The following RNF168 variants were observed in gnomAD, a reference collection of about 807,000 sequenced individuals.
The protein encoded by RNF168 is E3 ubiquitin-protein ligase RNF168.
A neutral mutation model predicts 34.9 loss-of-function variants in RNF168; 34 were observed. The ratio of observed to expected loss-of-function variants is 0.97; its 90% CI spans 0.74 to 1.30. The LOEUF is 1.30. Among genes scored for constraint, RNF168 ranks in the 50% most tolerant of loss-of-function variants. The pLI is 0.00. For missense variants in RNF168, 725 were observed against 682.5 expected (o/e 1.06, Z -0.69); for synonymous variants, 264 against 254.7 (o/e 1.04, Z -0.35).
chr3:196,486,523 A>T (rs1178749624), intron 3 of RNF168, among the ~76,000 whole-genome samples: 4 of 151,796 alleles, frequency 2.6e-5, no homozygotes, highest in African/African-American at 9.7e-5. Context: ...CTGAAGAAAC[A>T]GGGTCTCACT....
intron 1 of RNF168, among the ~76,000 whole-genome samples, chr3:196,491,888 A>G (rs147766363): frequency 3.0e-4 from 45 of 152,310 alleles, no homozygotes; most frequent in African/African-American, 1.1e-3. Context: ...TCACCAAAGG[A>G]CAGACACTGT....
chr3:196,470,129 A>G lies in RNF168; in HGVS notation c.*1690T>C, dbSNP rs927642723. On this transcript the variant is annotated 3_prime_UTR_variant, in exon 6 of 6. Transcript: ENST00000318037. ...ATTTCTCACCACCCAATCAGTTTCAATGATCCAGACTGTCAGTCACCCCAT... is the reference window on the plus strand; with the variant it reads ...ATTTCTCACCACCCAATCAGTTTCAGTGATCCAGACTGTCAGTCACCCCAT... The G allele has an allele frequency of 2.0e-5, 3 of 151,520 alleles. No individual in the cohort carries two copies. The highest frequency in any genetic ancestry group is 4.4e-5 in the Non-Finnish European group (3 of 68,044). The allele number at this position is 151,520 out of a possible 1,614,324, so 9.4% of individuals were successfully genotyped here.
intron 3 of RNF168, among the ~76,000 whole-genome samples, chr3:196,484,469 C>T (rs1315197284): frequency 1.8e-4 from 24 of 133,172 alleles, no homozygotes; most frequent in Non-Finnish European, 3.3e-4. Context: ...GCACCGCGCC[C>T]GGCCTTTTTT....
chr3:196,487,124 A>C (rs1294709871), intron 3 of RNF168, among the ~76,000 whole-genome samples: 1 of 152,268 alleles, frequency 6.6e-6, no homozygotes, highest in African/African-American at 2.4e-5. Flanking sequence ...TTTTACTTTA[A>C]GTAAAGCAAA....
chr3:196,481,114 A>G (rs889493373), intron 4 of RNF168, among the ~76,000 whole-genome samples: 1 of 152,218 alleles, frequency 6.6e-6, no homozygotes, highest in Non-Finnish European at 1.5e-5. Context: ...GGTTTTCTAC[A>G]TAGATAATTA....
rs748239326 is a variant in RNF168 at position 196,483,849 on chromosome 3, A to G, written c.601T>C (p.Ser201Pro). The G allele has an allele frequency of 2.5e-6, 4 of 1,609,884 alleles. No individual in the cohort carries two copies. Among genetic ancestry groups the G allele is most frequent in the Admixed American group, 3.3e-5 (2 of 60,024 alleles). Reference protein sequence around the residue: ...EGSISASPLNSRKSDPVTPKS... With the variant: ...EGSISASPLNPRKSDPVTPKS... The stretch of plus-strand genomic sequence containing the variant: ...GGTGTAACTGGATCAGATTTTCTGG[A>G]ATTCAAGGGAGAAGCCGAGATACTT... The change falls in exon 4 of 6, where the codon TCC becomes CCC. Residue 201 changes from serine to proline, a missense_variant. Physicochemically the swap from Ser to Pro is moderately conservative, Grantham distance 74. Coordinates refer to ENST00000318037, the MANE Select transcript of RNF168 (RefSeq NM_152617.4).
chr3:196,499,053 T>C (rs1367616782), intron 1 of RNF168, among the ~76,000 whole-genome samples: 1 of 151,894 alleles, frequency 6.6e-6, no homozygotes, highest in Non-Finnish European at 1.5e-5. Flanking sequence ...AAGATATGCT[T>C]AAGTCCTAAC....
chr3:196,502,000 A>C lies in RNF168; in HGVS notation c.301+873T>G, dbSNP rs1334419585. Among the ~76,000 whole-genome samples the C allele has an allele frequency of 2.0e-5, 3 of 151,016 alleles. No individual in the cohort carries two copies. In the East Asian group the frequency reaches 5.8e-4, roughly 29 times the overall value. ...TAAAATGGCATTTTTTTACAATAAA[A>C]TAAACGTATGTTTAAAAGGCAGGTA... On this transcript the variant is annotated intron_variant, in intron 1 of 5. Transcript: ENST00000318037.
chr3:196,476,148 C>G (rs955539436), intron 4 of RNF168, among the ~76,000 whole-genome samples: 1 of 152,134 alleles, frequency 6.6e-6, no homozygotes, highest in African/African-American at 2.4e-5. Flanking sequence ...CCGTGAGCCA[C>G]TGCGCCCAGC....
intron 1 of RNF168, among the ~76,000 whole-genome samples, chr3:196,493,176 C>G (rs542115182): frequency 6.6e-6 from 1 of 152,198 alleles, no homozygotes; most frequent in South Asian, 2.1e-4. Context: ...CCACAACAGG[C>G]AAAGGAAAGG....
Position 196,497,623 on chromosome 3 carries a change from C to T in RNF168, c.301+5250G>A, listed in dbSNP as rs185739148. On this transcript the variant is annotated intron_variant, in intron 1 of 5. Transcript: ENST00000318037. ...AGGTGGAGGTTGCAGTGAGCCATCA[C>T]GCCACTGCACTCCAGCCTGGGCGAC... Among the ~76,000 whole-genome samples, 46 of 151,756 alleles carry T rather than the reference C, an allele frequency of 3.0e-4. No homozygotes were observed. The East Asian group carries it at 6.0e-3, about 20-fold the overall frequency.
chr3:196,502,312 C>G (rs1162267179), intron 1 of RNF168, among the ~76,000 whole-genome samples: 1 of 152,004 alleles, frequency 6.6e-6, no homozygotes, highest in Non-Finnish European at 1.5e-5. Flanking sequence ...AGAGGCCGGG[C>G]GCGGTGGCTC....
rs1375626685 is a variant in RNF168, at chr3:196,493,194, G to A, written c.302-4511C>T. 3.3e-5 allele frequency among the ~76,000 whole-genome samples: 5 copies of A among 152,260 alleles called. No homozygotes were observed. The East Asian group carries it at 5.8e-4, about 18-fold the overall frequency. The stretch of plus-strand genomic sequence containing the variant: ...CAACAGGCAAAGGAAAGGCACGTGC[G>A]ATTTACAGAAGATGCCCAACTACAG... On this transcript the variant is annotated intron_variant, in intron 1 of 5. Transcript: ENST00000318037.
chr3:196,485,569 C>G (rs958739541), intron 3 of RNF168, among the ~76,000 whole-genome samples: 1 of 151,896 alleles, frequency 6.6e-6, no homozygotes, highest in Non-Finnish European at 1.5e-5. Flanking sequence ...ACTAGATATA[C>G]TTCTTCCCTA....
chr3:196,484,171 C>T (rs867181454), intron 3 of RNF168, among the ~76,000 whole-genome samples: 10 of 119,450 alleles, frequency 8.4e-5, no homozygotes, highest in South Asian at 2.5e-4. Flanking sequence ...TCTTTCTTTC[C>T]TTTTTTTTTT....
chr3:196,493,440 C>T (rs1732644128), intron 1 of RNF168, among the ~76,000 whole-genome samples: 1 of 152,168 alleles, frequency 6.6e-6, no homozygotes, highest in Non-Finnish European at 1.5e-5. Context: ...CTGCAGCCTC[C>T]AACCCCTTGG....
Position 196,487,457 on chromosome 3 carries a change from G to A in RNF168, c.500C>T (p.Ala167Val), listed in dbSNP as rs771840701. Residue 167 changes from alanine to valine, a missense_variant, in exon 3 of 6, where the codon GCG becomes GTG. Physicochemically the swap from Ala to Val is moderately conservative, Grantham distance 64 (BLOSUM62 0). Transcript: ENST00000318037. Reference sequence around the variant, plus strand: ...ATCACTTTTCAGTTGTTCTTCCATCGCTCTTCGCCTTTTTTCTGCCTGTCT... The same window carrying A: ...ATCACTTTTCAGTTGTTCTTCCATCACTCTTCGCCTTTTTTCTGCCTGTCT... ...EKRQAEKRRR[A>V]MEEQLKSDEE... 5 of 1,614,036 alleles carry A rather than the reference G, an allele frequency of 3.1e-6. No homozygotes were observed. Among genetic ancestry groups the A allele is most frequent in the East Asian group, 2.2e-5 (1 of 44,886 alleles).
chr3:196,473,767 G>T (rs891159442), intron 5 of RNF168, among the ~76,000 whole-genome samples: 1 of 151,740 alleles, frequency 6.6e-6, no homozygotes, highest in Non-Finnish European at 1.5e-5. Flanking sequence ...AGGATGCACC[G>T]AGCATCCACT....
At chr3:196,493,928 C>T (rs2341336) in intron 1 of RNF168, among the ~76,000 whole-genome samples, 131,888 of 150,640 alleles carry the variant, frequency 0.88, 58,084 homozygotes, top group East Asian at 0.97. Context: ...TCTCAGCTCA[C>T]TGCAGTGTCC....
Sources: gnomAD v4.1 joint callset for allele counts (sites outside exome capture counted in the v4.1 genomes callset) on GRCh38, gnomAD v4.1.1 for gene constraint, MANE v1.5 for transcripts, NCBI Gene and HGNC (gene_info 2026-07-23, HGNC 2026-07-21) for gene names.